PTPN22: variants seen among roughly 807,000 people sequenced by gnomAD.
PTPN22 encodes the protein protein tyrosine phosphatase non-receptor type 22.
A neutral mutation model predicts 103.3 loss-of-function variants in PTPN22; 85 were observed. The ratio of observed to expected loss-of-function variants is 0.82; its 90% CI spans 0.69 to 0.99. The LOEUF (loss-of-function observed/expected upper bound fraction) is 0.99. Ranked by LOEUF, PTPN22 falls within the 50% of genes least tolerant of loss-of-function variation. The pLI, the probability that PTPN22 is intolerant of heterozygous loss-of-function variation, is 0.00. For missense variants in PTPN22, 865 were observed against 936.9 expected (o/e 0.92, Z 1.00); for synonymous variants, 323 against 310.2 (o/e 1.04, Z -0.43).
chr1:113,824,903 T>G (rs1571345629), intron 19 of PTPN22, among the ~76,000 whole-genome samples: 1 of 149,264 alleles, frequency 6.7e-6, no homozygotes, highest in East Asian at 1.9e-4. Context: ...ATTATTCTTG[T>G]GTATTAAACA....
chr1:113,854,652 T>G (rs770610081), intron 8 of PTPN22, 115 bp from the exon 9 acceptor site: 40 of 1,153,516 alleles, frequency 3.5e-5, no homozygotes, highest in Non-Finnish European at 4.5e-5. Context: ...CTGGGGACAA[T>G]TAAACTTTCC....
intron 11 of PTPN22, among the ~76,000 whole-genome samples, chr1:113,843,110 A>AAAAAAGAAAAG (rs1195875096): frequency 6.8e-6 from 1 of 147,150 alleles, no homozygotes; most frequent in African/African-American, 2.5e-5. Context: ...AAAAAAAAAA[A>AAAAAAGAAAAG]AAAAGAAAAC....
At chr1:113,828,383 T>C (rs895547824) in intron 18 of PTPN22, among the ~76,000 whole-genome samples, 2 of 152,164 alleles carry the variant, frequency 1.3e-5, no homozygotes, top group African/African-American at 4.8e-5. Flanking sequence ...ATTGAGGTTT[T>C]TGTTTTTGTT....
At position 113,854,537 on chromosome 1, in the gene PTPN22, A is replaced by G. The variant is rs150163293; in HGVS notation, c.684T>C (p.Ser228=). ...TAACACCAGTCCTTCCACAGCCAGC[A>G]CTGAAATGAAAGATCACAGTAGCAT... Residue 228 remains serine, a splice_region_variant and synonymous_variant, in exon 9 of 21, where the codon AGT becomes AGC. Coordinates refer to ENST00000359785, the Ensembl canonical transcript of PTPN22. 4.3e-6 allele frequency: 7 copies of G among 1,612,696 alleles called. No individual in the cohort carries two copies. The African/African-American group carries it at 5.3e-5, about 12-fold the overall frequency.
intron 20 of PTPN22, among the ~76,000 whole-genome samples, chr1:113,815,923 C>T (rs920983907): frequency 4.6e-5 from 7 of 152,210 alleles, no homozygotes; most frequent in African/African-American, 1.4e-4. Flanking sequence ...AAGTGATCCA[C>T]CCACCTTGGC....
At chr1:113,856,487 G>C (rs1360146956) in intron 6 of PTPN22, 46 bp from the exon 7 acceptor site, 2 of 1,613,372 alleles carry the variant, frequency 1.2e-6, no homozygotes, top group Non-Finnish European at 1.7e-6. Context: ...GCAAAGACAA[G>C]CTCTCTATAA....
chr1:113,837,526 C>A, intron 13 of PTPN22, 64 bp downstream of exon 13: 4 of 1,169,546 alleles, frequency 3.4e-6, no homozygotes, highest in South Asian at 3.2e-5. Flanking sequence ...GGAGAAGAAA[C>A]CAACTATTCT....
intron 19 of PTPN22, among the ~76,000 whole-genome samples, chr1:113,822,954 G>A (rs774876136): frequency 3.9e-5 from 6 of 152,062 alleles, no homozygotes; most frequent in African/African-American, 1.2e-4. Flanking sequence ...GCTAGACTCC[G>A]TCTCAAAAAA....
intron 18 of PTPN22, among the ~76,000 whole-genome samples, chr1:113,828,688 G>T (rs1385720880): frequency 6.6e-6 from 1 of 152,056 alleles, no homozygotes; most frequent in Non-Finnish European, 1.5e-5. Flanking sequence ...TGTCACCCAG[G>T]CTGGAGTACA....
At chr1:113,860,155 A>G (rs901958930) in intron 1 of PTPN22, among the ~76,000 whole-genome samples, 15 of 151,876 alleles carry the variant, frequency 9.9e-5, no homozygotes, top group Admixed American at 5.3e-4. Flanking sequence ...GATAGTTCTC[A>G]TATTTTCAGT....
At chr1:113,813,948 ATAC>A (rs1660981030) in exon 21 of PTPN22, 1 of 152,330 alleles carries the variant, frequency 6.6e-6, no homozygotes, top group Non-Finnish European at 1.5e-5. Context: ...TGTTTAAACA[ATAC>A]TACATGTTTC....
chr1:113,870,682 T>C (rs1426428026), intron 1 of PTPN22, among the ~76,000 whole-genome samples: 3 of 152,196 alleles, frequency 2.0e-5, no homozygotes, highest in African/African-American at 7.2e-5. Context: ...AGCCCTGTTA[T>C]TGAAAAAACA....
chr1:113,838,493 C>A, intron 12 of PTPN22, 51 bp downstream of exon 12: 1 of 1,603,106 alleles, frequency 6.2e-7, no homozygotes, highest in Non-Finnish European at 8.5e-7. Context: ...GCATGAGATT[C>A]ATCTCCCAGA....
intron 16 of PTPN22, among the ~76,000 whole-genome samples, chr1:113,830,389 T>G (rs528262793): frequency 3.2e-4 from 48 of 152,176 alleles, no homozygotes; most frequent in African/African-American, 1.1e-3. Flanking sequence ...GACTAAGCAG[T>G]CTTTTAAGAC....
intron 2 of PTPN22, 133 bp downstream of exon 2, chr1:113,859,219 C>T: frequency 6.5e-7 from 1 of 1,545,720 alleles, no homozygotes; most frequent in African/African-American, 1.4e-5. Flanking sequence ...TATTCTTTTG[C>T]AGTCATAAAT....
Position 113,829,846 on chromosome 1 carries a change from TG to T in PTPN22, c.2134+102del. On this transcript the variant is annotated intron_variant, in intron 17 of 20. Coordinates refer to ENST00000359785, the Ensembl canonical transcript of PTPN22. ...TAGGGGCTTTTAAAATGTATTCTTT[TG>T]TGTAATCATTTTTGTACCTTTCCAT... The T allele has an allele frequency of 4.8e-6, 6 of 1,253,932 alleles. No homozygotes were observed. In the South Asian group the frequency reaches 7.7e-5, roughly 16 times the overall value. The allele number at this position is 1,253,932 out of a possible 1,614,324, so 77.7% of individuals were successfully genotyped here.
At chr1:113,861,996 A>G (rs1665653467) in intron 1 of PTPN22, among the ~76,000 whole-genome samples, 1 of 151,998 alleles carries the variant, frequency 6.6e-6, no homozygotes, top group African/African-American at 2.4e-5. Flanking sequence ...GATAAAGTGA[A>G]GAGACTGGGT....
At chr1:113,858,645 T>C in intron 3 of PTPN22, 72 bp from the exon 4 acceptor site, 1 of 516,294 alleles carries the variant, frequency 1.9e-6, no homozygotes, top group East Asian at 5.7e-5. Context: ...TCCGCTTCCT[T>C]TTTTTTTTTT....
At chr1:113,850,200 AGAAGGAAGGAAGGAAG>A (rs71090741) in intron 10 of PTPN22, among the ~76,000 whole-genome samples, 4,925 of 77,956 alleles carry the variant, frequency 0.063, 260 homozygotes, top group African/African-American at 0.13. Context: ...CCATCTCAAA[AGAAGGAAGGAAGGAAG>A]GAAGGAAGGA....
Sources: allele counts gnomAD v4.1 joint callset (sites outside exome capture counted in the v4.1 genomes callset), GRCh38; gene constraint gnomAD v4.1.1; transcripts MANE v1.5; gene names NCBI Gene and HGNC (gene_info 2026-07-23, HGNC 2026-07-21).